Variants in LRP1B observed in about 807,000 individuals in gnomAD.
LRP1B encodes LDL receptor related protein 1B.
In LRP1B, 217 loss-of-function variants were observed where a neutral mutation model predicts 556.6. The ratio of observed to expected loss-of-function variants is 0.39; its 90% CI spans 0.35 to 0.44. The LOEUF is 0.44. LRP1B is among the 20% of genes least tolerant of loss of function. The pLI, the probability that LRP1B is intolerant of heterozygous loss-of-function variation, is 1.00. For synonymous variants in LRP1B, 2,047 were observed against 1,865.8 expected (o/e 1.10, Z -2.50); for missense variants, 5,053 against 5,620.8 (o/e 0.90, Z 3.23).
At chr2:141,546,404 C>A (rs1457140339) in intron 2 of LRP1B, among the ~76,000 whole-genome samples, 2 of 152,110 alleles carry the variant, frequency 1.3e-5, no homozygotes, top group Admixed American at 6.6e-5. Context: ...AAGCACAGTG[C>A]CTCCCCTTAG....
At chr2:140,432,217 A>G (rs949896575) in intron 66 of LRP1B, among the ~76,000 whole-genome samples, 6 of 152,036 alleles carry the variant, frequency 3.9e-5, no homozygotes, top group African/African-American at 1.2e-4. Flanking sequence ...ACATCTGCCC[A>G]CCAGAGAACA....
At chr2:141,544,402 CCTCCTCCTCCTT>C (rs1316815799) in intron 2 of LRP1B, among the ~76,000 whole-genome samples, 2,202 of 73,246 alleles carry the variant, frequency 0.03, 155 homozygotes, top group South Asian at 0.044. Flanking sequence ...TCCTCCTCCT[CCTCCTCCTCCTT>C]CTCCTCCTTC....
intron 3 of LRP1B, among the ~76,000 whole-genome samples, chr2:141,310,590 T>C (rs1476265807): frequency 6.6e-6 from 1 of 152,130 alleles, no homozygotes; most frequent in Non-Finnish European, 1.5e-5. Flanking sequence ...TAACACACTT[T>C]CTCTCTTTTC....
intron 1 of LRP1B, among the ~76,000 whole-genome samples, chr2:142,066,131 C>T (rs900869037): frequency 6.6e-6 from 1 of 151,552 alleles, no homozygotes; most frequent in East Asian, 1.9e-4. Context: ...GTATTCTGAC[C>T]TTTTGATATT....
At position 141,060,061 on chromosome 2, in the gene LRP1B, A is replaced by T. The variant is rs182440312; in HGVS notation, c.1237-1007T>A. Among the ~76,000 whole-genome samples, 13 of 151,956 alleles carry T rather than the reference A, an allele frequency of 8.6e-5. No individual in the cohort carries two copies. In the East Asian group the frequency reaches 2.1e-3, roughly 25 times the overall value. On this transcript the variant is annotated intron_variant, in intron 8 of 90. Transcript: ENST00000389484. ...GAAAAAGTATGTGCGGTTTGATTAT[A>T]AAAATACTTATAGAACAAAATCACA...
chr2:141,236,665 T>C (rs1444407948), intron 5 of LRP1B, among the ~76,000 whole-genome samples: 3 of 152,192 alleles, frequency 2.0e-5, no homozygotes, highest in Non-Finnish European at 4.4e-5. Context: ...GAAGTATAAT[T>C]CATGTGTACG....
intron 1 of LRP1B, among the ~76,000 whole-genome samples, chr2:141,853,707 T>C (rs1430704107): frequency 6.6e-6 from 1 of 151,888 alleles, no homozygotes. Context: ...AAAAAAATAA[T>C]GAGGCTACTA....
At chr2:142,118,003 G>C (rs1707332607) in intron 1 of LRP1B, among the ~76,000 whole-genome samples, 1 of 152,092 alleles carries the variant, frequency 6.6e-6, no homozygotes, top group African/African-American at 2.4e-5. Context: ...TTTCCTCTGA[G>C]TCTAGGAATC....
rs191073426 is a variant in LRP1B at position 141,957,708 on chromosome 2, T to G, written c.83-147307A>C. Among the ~76,000 whole-genome samples the G allele has an allele frequency of 3.3e-5, 5 of 152,124 alleles. No homozygotes were observed. The East Asian group carries it at 9.8e-4, about 30-fold the overall frequency. On this transcript the variant is annotated intron_variant, in intron 1 of 90. Coordinates refer to ENST00000389484, the MANE Select transcript of LRP1B (RefSeq NM_018557.3). ...TTTTAATTTTCTCTATTATTGGAAT[T>G]AATCGACAACATGGCATTGATTTGT...
At chr2:141,650,355 T>C (rs1689739792) in intron 2 of LRP1B, among the ~76,000 whole-genome samples, 1 of 151,588 alleles carries the variant, frequency 6.6e-6, no homozygotes, top group African/African-American at 2.4e-5. Flanking sequence ...GAACATGGAG[T>C]GGAGGGGAAG....
intron 3 of LRP1B, among the ~76,000 whole-genome samples, chr2:141,391,152 T>C (rs1690036641): frequency 6.6e-6 from 1 of 152,176 alleles, no homozygotes; most frequent in African/African-American, 2.4e-5. Flanking sequence ...TGGATAGTCG[T>C]TATACAATGC....
At chr2:141,979,300 A>G (rs1701979033) in intron 1 of LRP1B, among the ~76,000 whole-genome samples, 1 of 152,132 alleles carries the variant, frequency 6.6e-6, no homozygotes, top group Admixed American at 6.6e-5. Flanking sequence ...CCAAATATGA[A>G]TACTTCAAAC....
At chr2:140,518,618 G>C (rs145166160) in intron 49 of LRP1B, among the ~76,000 whole-genome samples, 1,698 of 152,254 alleles carry the variant, frequency 0.011, 25 homozygotes, top group African/African-American at 0.036. Flanking sequence ...TAGAGCAGTG[G>C]TTTGTAGTTC....
At chr2:141,583,924 G>A (rs1331080159) in intron 2 of LRP1B, among the ~76,000 whole-genome samples, 1 of 145,752 alleles carries the variant, frequency 6.9e-6, no homozygotes, top group Non-Finnish European at 1.5e-5. Flanking sequence ...TTTTTTAGTA[G>A]CGATGGGGTT....
intron 2 of LRP1B, among the ~76,000 whole-genome samples, chr2:141,559,942 A>T (rs563596455): frequency 6.6e-6 from 1 of 151,856 alleles, no homozygotes; most frequent in Non-Finnish European, 1.5e-5. Flanking sequence ...TTGCATCCAA[A>T]AAAACAGAAA....
intron 7 of LRP1B, among the ~76,000 whole-genome samples, chr2:141,072,101 C>T (rs1028841421): frequency 1.3e-5 from 2 of 152,058 alleles, no homozygotes; most frequent in African/African-American, 4.8e-5. Context: ...ACCAACCTCC[C>T]CTCTTCCTAC....
intron 1 of LRP1B, among the ~76,000 whole-genome samples, chr2:142,099,352 T>C (rs1000217509): frequency 1.3e-5 from 2 of 151,818 alleles, no homozygotes; most frequent in African/African-American, 4.8e-5. Flanking sequence ...AGGCAATAAA[T>C]TTTCAAAAGG....
intron 2 of LRP1B, among the ~76,000 whole-genome samples, chr2:141,714,449 C>CT (rs11371831): frequency 0.14 from 18,349 of 128,150 alleles, 1,463 homozygotes; most frequent in South Asian, 0.27. Flanking sequence ...TCTGTAGGCT[C>CT]TTTTTTTTTT....
At chr2:141,297,465 AT>A (rs974857472) in intron 3 of LRP1B, among the ~76,000 whole-genome samples, 7 of 152,042 alleles carry the variant, frequency 4.6e-5, no homozygotes, top group African/African-American at 1.4e-4. Context: ...ACTTGGGACA[AT>A]TTTTTTTAAG....
Sources: gnomAD v4.1 joint callset for allele counts (sites outside exome capture counted in the v4.1 genomes callset) on GRCh38, gnomAD v4.1.1 for gene constraint, MANE v1.5 for transcripts, NCBI Gene and HGNC (gene_info 2026-07-23, HGNC 2026-07-21) for gene names.